IFT74: variants seen among roughly 807,000 people sequenced by gnomAD.
The protein encoded by IFT74 is intraflagellar transport 74, also known as intraflagellar transport protein 74 homolog.
IFT74 carries 92 observed loss-of-function variants against 96.7 expected under a neutral mutation model. The ratio of observed to expected loss-of-function variants is 0.95; its 90% CI spans 0.80 to 1.13. The LOEUF is 1.13. Among genes scored for constraint, IFT74 ranks in the 50% most tolerant of loss-of-function variants. IFT74 has a pLI of 0.00. For synonymous variants in IFT74, 223 were observed against 213.2 expected, an observed-to-expected ratio of 1.05 and a Z score of -0.40; for missense variants, 811 against 698.2, an observed-to-expected ratio of 1.16 and a Z score of -1.82.
At chr9:27,022,143 T>C (rs773711287) in intron 12 of IFT74, among the ~76,000 whole-genome samples, 18 of 152,118 alleles carry the variant, frequency 1.2e-4, no homozygotes, top group Non-Finnish European at 2.5e-4. Flanking sequence ...TGACTGTCAG[T>C]ATTTGGTTTT....
rs1036488911 is a variant in IFT74, at chr9:26,947,271, C to G, written c.-20+125C>G. 5 of 542,888 alleles carry G rather than the reference C, an allele frequency of 9.2e-6. No individual in the cohort carries two copies. The South Asian group carries it at 9.7e-5, about 11-fold the overall frequency. 33.6% of individuals were successfully genotyped at this position (542,888 alleles called of 1,614,324 possible). A position where few individuals can be genotyped will look rare whatever the true frequency, so the allele number is the denominator to read the frequency against. ...AGGCACTCCGGAATTCATCATCGGC[C>G]TCAGCCCTCCATGACGCAGAGTGTG... On this transcript the variant is annotated intron_variant, in intron 1 of 19. Transcript: ENST00000433700.
intron 8 of IFT74, among the ~76,000 whole-genome samples, chr9:26,999,197 GT>G (rs1414420819): frequency 6.6e-6 from 1 of 152,102 alleles, no homozygotes; most frequent in African/African-American, 2.4e-5. Context: ...AATAGTTCTT[GT>G]TTTTACTGAA....
At chr9:26,998,758 C>T (rs545466550) in intron 8 of IFT74, among the ~76,000 whole-genome samples, 8 of 150,764 alleles carry the variant, frequency 5.3e-5, no homozygotes, top group South Asian at 2.1e-4. Flanking sequence ...CTGAGGCAGG[C>T]GGGTTACCTG....
At chr9:27,054,044 T>G (rs1820050964) in intron 16 of IFT74, among the ~76,000 whole-genome samples, 1 of 152,260 alleles carries the variant, frequency 6.6e-6, no homozygotes, top group Non-Finnish European at 1.5e-5. Context: ...GGTTGACTTT[T>G]AAAACTCTTA....
At chr9:26,999,318 T>C (rs1828349071) in intron 8 of IFT74, among the ~76,000 whole-genome samples, 1 of 152,170 alleles carries the variant, frequency 6.6e-6, no homozygotes, top group African/African-American at 2.4e-5. Context: ...CATAAATATG[T>C]GCTTTTTAAA....
In IFT74 at chr9:27,053,897, T is replaced by C. The variant is rs943270839; in HGVS notation, c.1334-1712T>C. On this transcript the variant is annotated intron_variant, in intron 16 of 19. Coordinates refer to ENST00000380062, the MANE Select transcript of IFT74 (RefSeq NM_025103.4). ...CACTTGTTCAGCTCTTTGATTCTCA[T>C]AACTATTTCTAACCGTGGTAGAGAT... 2.0e-5 allele frequency among the ~76,000 whole-genome samples: 3 copies of C among 152,338 alleles called. No individual in the cohort carries two copies. The South Asian group carries it at 6.2e-4, about 32-fold the overall frequency.
chr9:26,973,726 T>C (rs1387092286), intron 2 of IFT74, among the ~76,000 whole-genome samples: 1 of 152,132 alleles, frequency 6.6e-6, no homozygotes, highest in East Asian at 1.9e-4. Context: ...TCCTTCTCCT[T>C]CTCCTTTTAC....
chr9:27,011,659 T>G (rs899913843), intron 9 of IFT74, among the ~76,000 whole-genome samples: 3 of 149,332 alleles, frequency 2.0e-5, no homozygotes, highest in Non-Finnish European at 4.5e-5. Flanking sequence ...TTTTTTTTTT[T>G]TTTTGAAGGC....
intron 13 of IFT74, among the ~76,000 whole-genome samples, chr9:27,034,417 T>G (rs1479030400): frequency 6.6e-6 from 1 of 152,228 alleles, no homozygotes; most frequent in Non-Finnish European, 1.5e-5. Flanking sequence ...ATAGTATACT[T>G]TTTCATACTC....
chr9:26,981,632 C>G (rs1373576956), intron 4 of IFT74, among the ~76,000 whole-genome samples: 2 of 152,110 alleles, frequency 1.3e-5, no homozygotes, highest in Non-Finnish European at 2.9e-5. Flanking sequence ...GTCAGCCAGG[C>G]TTGTCTCGAA....
chr9:27,008,951 C>T, intron 8 of IFT74, 69 bp from the exon 9 acceptor site: 1 of 1,237,368 alleles, frequency 8.1e-7, no homozygotes, highest in South Asian at 1.5e-5. Context: ...AGGACCATGA[C>T]TTGTATAAAA....
chr9:26,996,347 A>T, intron 8 of IFT74: 7 of 1,606,460 alleles, frequency 4.4e-6, no homozygotes, highest in Non-Finnish European at 6.0e-6. Flanking sequence ...GAGCTATTAA[A>T]TATTGAATTG....
At chr9:26,986,093 G>T (rs1028986275) in intron 6 of IFT74, among the ~76,000 whole-genome samples, 6 of 152,016 alleles carry the variant, frequency 3.9e-5, no homozygotes, top group African/African-American at 1.2e-4. Context: ...GTGATGTCTG[G>T]ATTTAATGAA....
chr9:27,001,910 T>C (rs1228884146), intron 8 of IFT74, among the ~76,000 whole-genome samples: 3 of 151,840 alleles, frequency 2.0e-5, no homozygotes, highest in African/African-American at 4.8e-5. Flanking sequence ...GCCAGTGTTC[T>C]AGAGCAATTC....
Position 27,047,314 on chromosome 9 carries a change from G to T in IFT74, c.1149G>T (p.Leu383=), listed in dbSNP as rs762469108. The change falls in exon 15 of 20, where the codon CTG becomes CTT. Residue 383 remains leucine (L), a synonymous_variant. Transcript: ENST00000380062. Reference sequence around the variant, plus strand: ...TTGAGGAAACAAAGAATCAGGAACTGAAACGAAAGGCACAGATAGAAGCCA... The same window carrying T: ...TTGAGGAAACAAAGAATCAGGAACTTAAACGAAAGGCACAGATAGAAGCCA... ...ETFEETKNQE[L]KRKAQIEANI... is the part of the protein sequence containing the mutation. 5.6e-6 allele frequency: 9 copies of T among 1,613,390 alleles called. No individual in the cohort carries two copies. Among genetic ancestry groups the T allele is most frequent in the Non-Finnish European group, 7.6e-6 (9 of 1,179,488 alleles).
chr9:27,039,085 C>T (rs1819348041), intron 13 of IFT74, among the ~76,000 whole-genome samples: 1 of 152,236 alleles, frequency 6.6e-6, no homozygotes, highest in Non-Finnish European at 1.5e-5. Flanking sequence ...CTGCGCATCT[C>T]ACCACCTCAC....
intron 8 of IFT74, among the ~76,000 whole-genome samples, chr9:27,006,080 G>A (rs1828761308): frequency 6.6e-6 from 1 of 151,974 alleles, no homozygotes; most frequent in Admixed American, 6.6e-5. Flanking sequence ...CTGACCTCAG[G>A]TGATACCCCT....
intron 16 of IFT74, among the ~76,000 whole-genome samples, chr9:27,050,552 G>C: frequency 6.6e-6 from 1 of 152,138 alleles, no homozygotes; most frequent in East Asian, 1.9e-4. Flanking sequence ...ATGCTGGTGT[G>C]TTGCAGCTTT....
chr9:27,059,366 A>C (rs1334251399), intron 18 of IFT74, among the ~76,000 whole-genome samples: 9 of 152,204 alleles, frequency 5.9e-5, no homozygotes, highest in Non-Finnish European at 1.5e-5. Flanking sequence ...TTTTTGCTTC[A>C]TGATGTCCTT....
Sources: gnomAD v4.1 joint callset for allele counts (sites outside exome capture counted in the v4.1 genomes callset) on GRCh38, gnomAD v4.1.1 for gene constraint, MANE v1.5 for transcripts, NCBI Gene and HGNC (gene_info 2026-07-23, HGNC 2026-07-21) for gene names.